The following KIF13B variants were observed in gnomAD, a reference collection of about 807,000 sequenced individuals.
KIF13B encodes kinesin family member 13B.
In KIF13B, 127 loss-of-function variants were observed where a neutral mutation model predicts 222.0. The ratio of observed to expected loss-of-function variants is 0.57; its 90% CI spans 0.50 to 0.66. KIF13B has a LOEUF of 0.66. KIF13B is among the 30% of genes least tolerant of loss of function. KIF13B has a pLI of 0.00. For missense variants in KIF13B, 2,173 were observed against 2,379.0 expected (o/e 0.91, Z 1.80); for synonymous variants, 976 against 919.0 (o/e 1.06, Z -1.12).
At chr8:29,200,598 C>T (rs1230726096) in intron 2 of KIF13B, among the ~76,000 whole-genome samples, 1 of 152,172 alleles carries the variant, frequency 6.6e-6, no homozygotes. Flanking sequence ...GCTACAATGA[C>T]CAAAACCAAG....
At chr8:29,197,928 C>T (rs1813513725) in intron 2 of KIF13B, among the ~76,000 whole-genome samples, 1 of 152,156 alleles carries the variant, frequency 6.6e-6, no homozygotes, top group Non-Finnish European at 1.5e-5. Flanking sequence ...AATAATTGGC[C>T]CTTCTCAGAG....
At chr8:29,260,520 C>T (rs1469724723) in intron 1 of KIF13B, among the ~76,000 whole-genome samples, 1 of 151,824 alleles carries the variant, frequency 6.6e-6, no homozygotes, top group Non-Finnish European at 1.5e-5. Context: ...AATAACTGTT[C>T]AAAGTAATAT....
In KIF13B at chr8:29,097,296, T is replaced by C. The variant is rs1808578132; in HGVS notation, c.4324+1837A>G. On this transcript the variant is annotated intron_variant, in intron 36 of 39. Transcript: ENST00000524189. ...TTAAATGTGTTATATCAGGAAGATA[T>C]AACAATCTTAAATAATTAGAAGCTA... is the stretch of plus-strand genomic sequence containing the variant. Among the ~76,000 whole-genome samples the C allele has an allele frequency of 2.2e-5, 3 of 134,160 alleles. No individual in the cohort carries two copies. In the South Asian group the frequency reaches 7.6e-4, roughly 34 times the overall value. The allele number at this position is 134,160 out of a possible 152,430, so 88.0% of individuals were successfully genotyped here. A position where few individuals can be genotyped will look rare whatever the true frequency, so the allele number is the denominator to read the frequency against.
chr8:29,187,406 C>G (rs934949377), intron 5 of KIF13B, among the ~76,000 whole-genome samples: 2 of 151,782 alleles, frequency 1.3e-5, no homozygotes, highest in African/African-American at 4.8e-5. Flanking sequence ...TGGCAGGCAC[C>G]TGTAGTGCCA....
chr8:29,238,648 A>G (rs771689611), intron 2 of KIF13B, among the ~76,000 whole-genome samples: 50 of 152,264 alleles, frequency 3.3e-4, no homozygotes, highest in Middle Eastern at 3.4e-3. Context: ...GCAGCATCAT[A>G]TTTTACTGTA....
At chr8:29,190,749 T>C (rs1813141898) in intron 4 of KIF13B, 2 of 467,350 alleles carry the variant, frequency 4.3e-6, no homozygotes, top group African/African-American at 2.0e-5. Flanking sequence ...TCTGACGCTG[T>C]CCCCAGGTAG....
intron 17 of KIF13B, 69 bp downstream of exon 17, chr8:29,147,323 C>T (rs1195110465): frequency 1.8e-6 from 2 of 1,140,118 alleles, no homozygotes; most frequent in African/African-American, 3.1e-5. Context: ...CCATTTGACA[C>T]TTTCCCTAGG....
At chr8:29,143,907 C>T (rs1586836711) in intron 18 of KIF13B, among the ~76,000 whole-genome samples, 1 of 151,594 alleles carries the variant, frequency 6.6e-6, no homozygotes, top group South Asian at 2.1e-4. Context: ...TCACACCTCC[C>T]CCCCAAAAAA....
intron 12 of KIF13B, among the ~76,000 whole-genome samples, chr8:29,163,196 C>A (rs774958441): frequency 2.0e-5 from 3 of 152,192 alleles, no homozygotes; most frequent in Non-Finnish European, 4.4e-5. Flanking sequence ...AAAAATATTA[C>A]TGAGCATACA....
chr8:29,122,572 A>G lies in KIF13B; in HGVS notation c.3535+19T>C. ...TAAATTTTCAGAGGTAAGCCTTCAG[A>G]AAACACCTCCTAACTTACCATTTAA... On this transcript the variant is annotated intron_variant, in intron 29 of 39. Transcript: ENST00000524189. 1 of 1,602,106 alleles carries G rather than the reference A, an allele frequency of 6.2e-7. No individual in the cohort carries two copies. The highest frequency in any genetic ancestry group is 8.5e-7 in the Non-Finnish European group (1 of 1,172,798).
intron 2 of KIF13B, among the ~76,000 whole-genome samples, chr8:29,234,799 G>C (rs997847720): frequency 6.6e-6 from 1 of 151,900 alleles, no homozygotes; most frequent in African/African-American, 2.4e-5. Flanking sequence ...CTACACCAAG[G>C]TTGAAAAGGA....
At chr8:29,216,336 C>T (rs1300241354) in intron 2 of KIF13B, among the ~76,000 whole-genome samples, 1 of 152,190 alleles carries the variant, frequency 6.6e-6, no homozygotes, top group African/African-American at 2.4e-5. Flanking sequence ...GTGGCTGATG[C>T]CTGTAATCCT....
At chr8:29,159,311 G>A (rs543297591) in intron 13 of KIF13B, among the ~76,000 whole-genome samples, 28 of 152,028 alleles carry the variant, frequency 1.8e-4, no homozygotes, top group African/African-American at 3.4e-4. Flanking sequence ...CCACCACCCC[G>A]GCTAATTTTT....
At chr8:29,113,606 T>G in intron 31 of KIF13B, 51 bp from the exon 32 acceptor site, 1 of 1,091,698 alleles carries the variant, frequency 9.2e-7, no homozygotes. Flanking sequence ...AAAACTGAGT[T>G]TACATTAACA....
intron 2 of KIF13B, among the ~76,000 whole-genome samples, chr8:29,210,452 A>G (rs1300443223): frequency 6.6e-6 from 1 of 152,160 alleles, no homozygotes; most frequent in Admixed American, 6.5e-5. Context: ...ACAACCAAAC[A>G]CACCCTACGT....
chr8:29,246,102 G>A (rs1012351785), intron 1 of KIF13B, among the ~76,000 whole-genome samples: 10 of 152,088 alleles, frequency 6.6e-5, no homozygotes, highest in Admixed American at 4.6e-4. Context: ...TCACATGGCC[G>A]GGTGCGGTGG....
intron 19 of KIF13B, among the ~76,000 whole-genome samples, 195 bp downstream of exon 19, chr8:29,141,962 A>G (rs912448753): frequency 6.6e-6 from 1 of 152,194 alleles, no homozygotes; most frequent in Non-Finnish European, 1.5e-5. Context: ...TGAGAAGAAA[A>G]AAGAAGATAC....
At chr8:29,256,026 A>G (rs949852847) in intron 1 of KIF13B, among the ~76,000 whole-genome samples, 4 of 150,912 alleles carry the variant, frequency 2.7e-5, no homozygotes, top group African/African-American at 9.7e-5. Context: ...TTCGTTTCAG[A>G]CTCATATTCA....
intron 2 of KIF13B, among the ~76,000 whole-genome samples, chr8:29,214,953 A>C (rs1407341951): frequency 1.3e-5 from 2 of 152,186 alleles, no homozygotes; most frequent in African/African-American, 2.4e-5. Context: ...TGGTGATCCA[A>C]ACCAAGGCAG....
Sources: gnomAD v4.1 joint callset for allele counts (sites outside exome capture counted in the v4.1 genomes callset) on GRCh38, gnomAD v4.1.1 for gene constraint, MANE v1.5 for transcripts, NCBI Gene and HGNC (gene_info 2026-07-23, HGNC 2026-07-21) for gene names.